Variants in ITGA9 observed in about 807,000 individuals in gnomAD.
The protein encoded by ITGA9 is integrin alpha-9.
A neutral mutation model predicts 127.8 loss-of-function variants in ITGA9; 56 were observed. The ratio of observed to expected loss-of-function variants is 0.44; its 90% CI spans 0.35 to 0.55. The LOEUF (loss-of-function observed/expected upper bound fraction) is 0.55, where lower values mean the gene tolerates loss of function less well. ITGA9 is among the 20% of genes least tolerant of loss of function. The pLI is 0.00. For synonymous variants in ITGA9, 508 were observed against 514.5 expected (o/e 0.99, Z 0.17); for missense variants, 1,196 against 1,347.1 (o/e 0.89, Z 1.76).
chr3:37,579,884 T>C (rs1699689242), intron 15 of ITGA9, among the ~76,000 whole-genome samples: 1 of 152,226 alleles, frequency 6.6e-6, no homozygotes, highest in Non-Finnish European at 1.5e-5. Context: ...TCCCTCACCA[T>C]GGATATGCAG....
intron 17 of ITGA9, among the ~76,000 whole-genome samples, chr3:37,669,020 A>G (rs143662226): frequency 4.4e-4 from 67 of 152,320 alleles, no homozygotes; most frequent in African/African-American, 1.6e-3. Flanking sequence ...GTTTAACGTG[A>G]CCTGTCCGTA....
chr3:37,701,622 A>G (rs1368148584), intron 18 of ITGA9, among the ~76,000 whole-genome samples: 1 of 152,204 alleles, frequency 6.6e-6, no homozygotes, highest in Non-Finnish European at 1.5e-5. Context: ...TGTTGTTTGC[A>G]GGGGCAGAGC....
chr3:37,538,811 C>T (rs1402520743), intron 14 of ITGA9, among the ~76,000 whole-genome samples: 1 of 152,196 alleles, frequency 6.6e-6, no homozygotes, highest in African/African-American at 2.4e-5. Context: ...AGGAGACAGT[C>T]TGATGTAGAA....
intron 16 of ITGA9, among the ~76,000 whole-genome samples, chr3:37,651,497 C>T (rs186280010): frequency 6.6e-6 from 1 of 152,320 alleles, no homozygotes; most frequent in East Asian, 1.9e-4. Flanking sequence ...GATAAAGCAG[C>T]AACTACATGC....
In ITGA9 at chr3:37,629,641, C is replaced by G; in HGVS notation, c.1839+305C>G. On this transcript the variant is annotated intron_variant, in intron 16 of 27. Coordinates refer to ENST00000264741, the MANE Select transcript of ITGA9 (RefSeq NM_002207.3). The surrounding 1 kb of genome is among the most constrained non-coding windows in gnomAD (Gnocchi z 4.5). The stretch of plus-strand genomic sequence containing the variant: ...CCCTGAACTTGCCTCTGTTCCTAGA[C>G]TGTTTTCAGAGCTTAGATTGGTGGA... The G allele has an allele frequency of 1.7e-6, 1 of 594,412 alleles. No homozygotes were observed. Among genetic ancestry groups the G allele is most frequent in the Non-Finnish European group, 3.0e-6 (1 of 334,548 alleles). The allele number at this position is 594,412 out of a possible 1,614,324, so 36.8% of individuals were successfully genotyped here. A position where few individuals can be genotyped will look rare whatever the true frequency, so the allele number is the denominator to read the frequency against.
chr3:37,544,670 T>C (rs761227018), intron 15 of ITGA9, among the ~76,000 whole-genome samples: 16 of 141,664 alleles, frequency 1.1e-4, no homozygotes, highest in Non-Finnish European at 1.8e-4. Context: ...GACGTGATTA[T>C]TTTGGTCATT....
intron 20 of ITGA9, among the ~76,000 whole-genome samples, chr3:37,739,813 T>C (rs1001383670): frequency 3.2e-4 from 47 of 147,756 alleles, no homozygotes; most frequent in African/African-American, 1.1e-3. Flanking sequence ...GGCAGGATGC[T>C]GGGGTGGGGG....
At chr3:37,784,074 A>G (rs2685112) in intron 25 of ITGA9, among the ~76,000 whole-genome samples, 64,280 of 152,066 alleles carry the variant, frequency 0.42, 14,855 homozygotes, top group Middle Eastern at 0.64. Context: ...GGACACCACA[A>G]GACACCTTGC....
At chr3:37,810,605 A>G (rs1261457071) in intron 27 of ITGA9, among the ~76,000 whole-genome samples, 1 of 151,970 alleles carries the variant, frequency 6.6e-6, no homozygotes, top group African/African-American at 2.4e-5. Flanking sequence ...TAGTAGAGAC[A>G]GGGTTTCACC....
rs906423151 is a variant in ITGA9, at chr3:37,589,770, G to C, written c.1690-39417G>C. Reference sequence around the variant, plus strand: ...CCAGTGTGTCTAGAGCAGAATGAGGGTGTAGGTATTAAGAGACGAGGTCAG... The same window carrying C: ...CCAGTGTGTCTAGAGCAGAATGAGGCTGTAGGTATTAAGAGACGAGGTCAG... On this transcript the variant is annotated intron_variant, in intron 15 of 27. Transcript: ENST00000264741. Among the ~76,000 whole-genome samples, 7 of 152,324 alleles carry C rather than the reference G, an allele frequency of 4.6e-5. No individual in the cohort carries two copies. In the East Asian group the frequency reaches 1.2e-3, roughly 25 times the overall value.
At chr3:37,633,578 C>A (rs1429582963) in intron 16 of ITGA9, among the ~76,000 whole-genome samples, 1 of 152,174 alleles carries the variant, frequency 6.6e-6, no homozygotes, top group East Asian at 1.9e-4. Flanking sequence ...ACACACACAG[C>A]TGAAAGCACA....
chr3:37,805,764 G>T (rs1363662154), intron 27 of ITGA9: 1 of 152,116 alleles, frequency 6.6e-6, no homozygotes, highest in Non-Finnish European at 1.5e-5. Context: ...CCGGGTTCAA[G>T]CAAGTCTCCT....
chr3:37,686,277 G>A (rs1453411074), intron 18 of ITGA9, among the ~76,000 whole-genome samples: 1 of 151,938 alleles, frequency 6.6e-6, no homozygotes. Context: ...GGATGGGCTG[G>A]GAGGGATGTG....
In ITGA9 at chr3:37,762,488, A is replaced by C. The variant is rs370074339; in HGVS notation, c.2541+11919A>C. Among the ~76,000 whole-genome samples the C allele has an allele frequency of 3.7e-3, 567 of 152,332 alleles. 8 individuals are homozygous for C. The highest frequency in any genetic ancestry group is 0.013 in the African/African-American group (544 of 41,564). ...AAAGGTGGCATTGTTATGTAGATGA[A>C]GCCTTCCAGGTCATAACTCCTAGAG... is the stretch of plus-strand genomic sequence containing the variant. On this transcript the variant is annotated intron_variant, in intron 23 of 27. Coordinates refer to ENST00000264741, the MANE Select transcript of ITGA9 (RefSeq NM_002207.3).
intron 18 of ITGA9, among the ~76,000 whole-genome samples, chr3:37,685,238 C>A (rs1700771989): frequency 6.6e-6 from 1 of 152,120 alleles, no homozygotes; most frequent in Non-Finnish European, 1.5e-5. Flanking sequence ...CAGGTTTGTG[C>A]CAAGCCTGCC....
intron 15 of ITGA9, among the ~76,000 whole-genome samples, chr3:37,600,728 A>C (rs1699915119): frequency 6.6e-6 from 1 of 151,986 alleles, no homozygotes; most frequent in Non-Finnish European, 1.5e-5. Flanking sequence ...TCATCTCCCC[A>C]CTGGAGCTCC....
At chr3:37,682,315 C>T (rs1369986767) in intron 17 of ITGA9, among the ~76,000 whole-genome samples, 1 of 152,262 alleles carries the variant, frequency 6.6e-6, no homozygotes, top group Non-Finnish European at 1.5e-5. Context: ...CCAGTGACCT[C>T]CAGAAGGCTG....
chr3:37,802,802 G>T (rs1317635584), intron 26 of ITGA9, among the ~76,000 whole-genome samples: 2 of 152,156 alleles, frequency 1.3e-5, no homozygotes, highest in Non-Finnish European at 2.9e-5. Flanking sequence ...ATTTCAAACT[G>T]CCATTGCAAT....
intron 15 of ITGA9, among the ~76,000 whole-genome samples, chr3:37,626,808 CT>C (rs1329856909): frequency 6.6e-6 from 1 of 152,256 alleles, no homozygotes; most frequent in Admixed American, 6.5e-5. Context: ...TAAATGACTT[CT>C]GTTTCCCTAC....
Sources: gnomAD v4.1 joint callset for allele counts (sites outside exome capture counted in the v4.1 genomes callset) on GRCh38, gnomAD v4.1.1 for gene constraint, Gnocchi (gnomAD v3.1) non-coding constraint, MANE v1.5 for transcripts, NCBI Gene and HGNC (gene_info 2026-07-23, HGNC 2026-07-21) for gene names.